Variants in UGDH observed in about 807,000 individuals in gnomAD.
The protein encoded by UGDH is UDP-glucose 6-dehydrogenase.
Under a neutral mutation model 50.6 loss-of-function variants are expected in UGDH, and 38 were observed. The ratio of observed to expected loss-of-function variants is 0.75; its 90% CI spans 0.58 to 0.98. The LOEUF is 0.98. Among genes scored for constraint, UGDH ranks in the 50% least tolerant of loss-of-function variants. UGDH has a pLI of 0.00. For synonymous variants in UGDH, 168 were observed against 199.9 expected (o/e 0.84, Z 1.35); for missense variants, 465 against 606.2 (o/e 0.77, Z 2.45).
At chr4:39,502,272 C>T (rs903070512) in intron 11 of UGDH, among the ~76,000 whole-genome samples, 1 of 152,152 alleles carries the variant, frequency 6.6e-6, no homozygotes, top group Non-Finnish European at 1.5e-5. Flanking sequence ...ATAGAAGAGT[C>T]CCCAAGGTCT....
intron 1 of UGDH, among the ~76,000 whole-genome samples, chr4:39,523,333 C>T (rs946224730): frequency 6.6e-6 from 1 of 151,564 alleles, no homozygotes; most frequent in African/African-American, 2.4e-5. Context: ...ATTACAGGCA[C>T]GAGCCACTGT....
rs577444884 is a variant in UGDH, at chr4:39,514,689, T to TA, written c.163-506_163-505insT. ...CCCAGCCCATTTATTTTATTTTATT[T>TA]TATTTTTTTTTGAGACAGAGCCTCT... is the stretch of plus-strand genomic sequence containing the variant. On this transcript the variant is annotated intron_variant, in intron 2 of 11. Transcript: ENST00000316423. 7.3e-3 allele frequency among the ~76,000 whole-genome samples: 1,083 copies of TA among 148,102 alleles called. 18 individuals carry two copies. Among genetic ancestry groups the TA allele is most frequent in the African/African-American group, 0.026 (1,045 of 39,966 alleles).
At chr4:39,506,176 C>T (rs1467592934) in intron 7 of UGDH, among the ~76,000 whole-genome samples, 1 of 144,826 alleles carries the variant, frequency 6.9e-6, no homozygotes, top group Non-Finnish European at 1.5e-5. Context: ...GGCAGTGAGC[C>T]GAGATCATGC....
At chr4:39,506,392 T>C (rs1746026913) in intron 7 of UGDH, among the ~76,000 whole-genome samples, 1 of 152,162 alleles carries the variant, frequency 6.6e-6, no homozygotes, top group Admixed American at 6.6e-5. Flanking sequence ...ATAAGGCACA[T>C]AGGAAACCAT....
In UGDH at chr4:39,509,847, C is replaced by T; in HGVS notation, c.724G>A (p.Glu242Lys). 2 of 1,612,964 alleles carry T rather than the reference C, an allele frequency of 1.2e-6. No individual in the cohort carries two copies. The highest frequency in any genetic ancestry group is 1.7e-6 in the Non-Finnish European group (2 of 1,179,914). Residue 242 changes from glutamate (E) to lysine (K), a missense_variant, in exon 6 of 12, where the codon GAA (glutamate) becomes AAA (lysine). By Grantham distance (56) the Glu-to-Lys change is moderately conservative. Transcript: ENST00000316423. ...TCTTCTACATCAGCTCCTGTTGCTT[C>T]ACACAGAGCACTTATGGAGTTAATG... ...SSINSISALC[E>K]ATGADVEEVA...
intron 4 of UGDH, 47 bp downstream of exon 4, chr4:39,510,614 A>C: frequency 6.2e-7 from 1 of 1,614,020 alleles, no homozygotes; most frequent in Non-Finnish European, 8.5e-7. Flanking sequence ...TTAACACATC[A>C]GTATTTACAT....
intron 2 of UGDH, among the ~76,000 whole-genome samples, chr4:39,518,336 A>G (rs1257473488): frequency 1.3e-5 from 2 of 151,958 alleles, no homozygotes; most frequent in Non-Finnish European, 2.9e-5. Flanking sequence ...TTGCTGGATC[A>G]CAGACTAATA....
chr4:39,509,370 A>G (rs1463887722), intron 6 of UGDH, among the ~76,000 whole-genome samples: 2 of 152,076 alleles, frequency 1.3e-5, no homozygotes. Context: ...GAGACTATTA[A>G]ACTGCCACTG....
At chr4:39,527,151 G>C in intron 1 of UGDH, 132 bp downstream of exon 1, 1 of 1,283,748 alleles carries the variant, frequency 7.8e-7, no homozygotes, top group Non-Finnish European at 1.0e-6. Context: ...GTCGTGAGAC[G>C]GGAAGCCCGG....
chr4:39,518,322 G>T (rs1457932942), intron 2 of UGDH, among the ~76,000 whole-genome samples: 3 of 151,898 alleles, frequency 2.0e-5, no homozygotes, highest in Non-Finnish European at 4.4e-5. Flanking sequence ...ATATACACTT[G>T]GAATTGCTGG....
rs148767167 is a variant in UGDH, at chr4:39,514,761, C to A, written c.163-577G>T. On this transcript the variant is annotated intron_variant, in intron 2 of 11. Coordinates refer to ENST00000316423, the MANE Select transcript of UGDH (RefSeq NM_003359.4). Reference sequence around the variant, plus strand: ...GCAGTGGTATGATCTCGGCTCACTGCGACTTCCGTCTCCTGGGTTCAAGCA... The same window carrying A: ...GCAGTGGTATGATCTCGGCTCACTGAGACTTCCGTCTCCTGGGTTCAAGCA... 5.7e-3 allele frequency among the ~76,000 whole-genome samples: 873 copies of A among 151,984 alleles called. 4 individuals are homozygous for A. Among genetic ancestry groups the A allele is most frequent in the African/African-American group, 0.02 (839 of 41,414 alleles).
chr4:39,501,552 C>A (rs1040438395), intron 11 of UGDH, among the ~76,000 whole-genome samples: 2 of 152,144 alleles, frequency 1.3e-5, no homozygotes, highest in Non-Finnish European at 2.9e-5. Context: ...GGATTACAGG[C>A]GTGAGCCACC....
In UGDH at chr4:39,500,272, T is replaced by C; in HGVS notation, c.1375-19A>G. 6.9e-7 allele frequency: 1 copy of C among 1,448,628 alleles called. No homozygotes were observed. Among genetic ancestry groups the C allele is most frequent in the Non-Finnish European group, 9.6e-7 (1 of 1,046,470 alleles). 89.7% of individuals were successfully genotyped at this position (1,448,628 alleles called of 1,614,324 possible). A position where few individuals can be genotyped will look rare whatever the true frequency, so the allele number is the denominator to read the frequency against. On this transcript the variant is annotated intron_variant, in intron 11 of 11. Transcript: ENST00000316423. Reference sequence around the variant, plus strand: ...TTTCAATCTGAAAAAAAAATAAAATTTAAGAGAACTATTAACAATTATATA... The same window carrying C: ...TTTCAATCTGAAAAAAAAATAAAATCTAAGAGAACTATTAACAATTATATA...
At chr4:39,505,824 ATGG>A (rs1746004169) in intron 7 of UGDH, 76 bp from the exon 8 acceptor site, 2 of 1,443,584 alleles carry the variant, frequency 1.4e-6, no homozygotes, top group Admixed American at 2.1e-5. Flanking sequence ...TCAGAATTTT[ATGG>A]TGAGTGCTAT....
In UGDH at chr4:39,500,231, A is replaced by G; in HGVS notation, c.1397T>C (p.Val466Ala). The G allele has an allele frequency of 1.3e-6, 2 of 1,595,110 alleles. No homozygotes were observed. Among genetic ancestry groups the G allele is most frequent in the Non-Finnish European group, 1.7e-6 (2 of 1,170,478 alleles). ...AGCATATGGAATTCTCTTTGAAGACACCTTTTTGCCAATTGTTTCAATCTG... is the reference window on the plus strand; with the variant it reads ...AGCATATGGAATTCTCTTTGAAGACGCCTTTTTGCCAATTGTTTCAATCTG... ...GFQIETIGKK[V>A]SSKRIPYAPS... Residue 466 changes from valine to alanine, a missense_variant, in exon 12 of 12, where the codon GTG becomes GCG. Val to Ala is a moderately conservative substitution (Grantham distance 64, BLOSUM62 0). Transcript: ENST00000316423.
At chr4:39,521,269 T>C (rs1746649296) in intron 2 of UGDH, 82 bp downstream of exon 2, 2 of 1,341,024 alleles carry the variant, frequency 1.5e-6, no homozygotes, top group East Asian at 5.3e-5. Context: ...TTATAGATTT[T>C]TATATTAATA....
chr4:39,525,503 TTTC>T (rs1156788631), intron 1 of UGDH, among the ~76,000 whole-genome samples: 11 of 93,620 alleles, frequency 1.2e-4, no homozygotes, highest in Admixed American at 3.3e-4. Flanking sequence ...CCCATTTTCT[TTTC>T]TTTTTCTTTT....
intron 2 of UGDH, among the ~76,000 whole-genome samples, chr4:39,517,226 CAG>C (rs1240131122): frequency 7.0e-6 from 1 of 142,696 alleles, no homozygotes; most frequent in Non-Finnish European, 1.5e-5. Flanking sequence ...TTTTTTGAGA[CAG>C]AGTCTCACTC....
intron 3 of UGDH, among the ~76,000 whole-genome samples, chr4:39,511,120 C>T (rs1746229169): frequency 6.6e-6 from 1 of 152,078 alleles, no homozygotes; most frequent in African/African-American, 2.4e-5. Flanking sequence ...AGGCAGATTC[C>T]AGCTAAGCCC....
Sources: allele counts gnomAD v4.1 joint callset (sites outside exome capture counted in the v4.1 genomes callset), GRCh38; gene constraint gnomAD v4.1.1; transcripts MANE v1.5; gene names NCBI Gene and HGNC (gene_info 2026-07-23, HGNC 2026-07-21).